The following NPAS1 variants were observed in gnomAD, a reference collection of about 807,000 sequenced individuals.
The protein encoded by NPAS1 is neuronal PAS domain protein 1, also known as neuronal PAS domain-containing protein 1.
A neutral mutation model predicts 49.2 loss-of-function variants in NPAS1; 29 were observed. The ratio of observed to expected loss-of-function variants is 0.59; its 90% CI spans 0.44 to 0.80. The LOEUF is 0.80. NPAS1 is among the 30% of genes least tolerant of loss of function. The pLI, the probability that NPAS1 is intolerant of heterozygous loss-of-function variation, is 0.00. For synonymous variants in NPAS1, 408 were observed against 380.4 expected (o/e 1.07, Z -0.84); for missense variants, 825 against 835.5 (o/e 0.99, Z 0.15).
In NPAS1 at chr19:47,036,065, A is replaced by G; in HGVS notation, c.624A>G (p.Pro208=). 6.3e-7 allele frequency: 1 copy of G among 1,599,030 alleles called. No homozygotes were observed. The highest frequency in any genetic ancestry group is 8.5e-7 in the Non-Finnish European group (1 of 1,173,022). Residue 208 remains proline (P), a synonymous_variant, in exon 6 of 12, where the codon CCA becomes CCG. Transcript: ENST00000602212. ...TGCGGACGCCGACGCCCGGCCCCCC[A>G]ACCCCGCCCTCCGTCTCCTCTTCCT... is the stretch of plus-strand genomic sequence containing the variant. ...LGLRTPTPGP[P]TPPSVSSSSS... is the part of the protein sequence containing the mutation.
chr19:47,041,616 GGGC>G (rs2057022266), intron 10 of NPAS1, among the ~76,000 whole-genome samples: 1 of 152,044 alleles, frequency 6.6e-6, no homozygotes, highest in Non-Finnish European at 1.5e-5. Flanking sequence ...TTTGGCTCAG[GGGC>G]ACTGGGGAGT....
chr19:47,036,699 C>T (rs2056959825), intron 6 of NPAS1, among the ~76,000 whole-genome samples: 1 of 133,734 alleles, frequency 7.5e-6, no homozygotes, highest in Admixed American at 7.3e-5. Flanking sequence ...TAGTGAAACC[C>T]CATCTCTACT....
chr19:47,034,321 A>G (rs866130790), intron 5 of NPAS1, among the ~76,000 whole-genome samples: 59 of 151,324 alleles, frequency 3.9e-4, no homozygotes, highest in African/African-American at 1.3e-3. Flanking sequence ...TCTCAAAAAA[A>G]AAAAAAAAAA....
intron 11 of NPAS1, among the ~76,000 whole-genome samples, chr19:47,043,553 G>A (rs143957067): frequency 0.019 from 2,877 of 152,158 alleles, 80 homozygotes; most frequent in African/African-American, 0.061. Flanking sequence ...TCATGCCACT[G>A]CACTCCAGTC....
chr19:47,020,389 T>A (rs1283828372), intron 1 of NPAS1, among the ~76,000 whole-genome samples: 6 of 149,670 alleles, frequency 4.0e-5, no homozygotes, highest in Admixed American at 3.3e-4. Flanking sequence ...GGGCTGGGGC[T>A]CGCGCGCCGG....
In NPAS1 at chr19:47,045,546, G is replaced by A. The variant is rs1163994581; in HGVS notation, c.1668G>A (p.Leu556=). 2.0e-6 allele frequency: 3 copies of A among 1,525,142 alleles called. No individual in the cohort carries two copies. The highest frequency in any genetic ancestry group is 2.1e-5 in the Admixed American group (1 of 48,674). The allele number at this position is 1,525,142 out of a possible 1,614,324, so 94.5% of individuals were successfully genotyped here. The change falls in exon 12 of 12, where the codon CTG becomes CTA. Residue 556 remains leucine (L), a synonymous_variant. Coordinates refer to ENST00000602212, the MANE Select transcript of NPAS1 (RefSeq NM_002517.4). Reference sequence around the variant, plus strand: ...AGCTGGGCCTGGTGTACCCGCACCTGCAGAGGCTGGGTCCGGGCCCCGCGC... The same window carrying A: ...AGCTGGGCCTGGTGTACCCGCACCTACAGAGGCTGGGTCCGGGCCCCGCGC... ...PAELGLVYPH[L]QRLGPGPALP...
In NPAS1 at chr19:47,039,391, T is replaced by C. The variant is rs1359167490; in HGVS notation, c.805-16T>C. 1.2e-6 allele frequency: 2 copies of C among 1,611,376 alleles called. No homozygotes were observed. Among genetic ancestry groups the C allele is most frequent in the Non-Finnish European group, 1.7e-6 (2 of 1,179,718 alleles). ...GCCCGCCTTGTCCCTCCTCCAACCA[T>C]GCCCACCACCAGCAGGTCATCCACG... On this transcript the variant is annotated splice_polypyrimidine_tract_variant and intron_variant, in intron 7 of 11. Coordinates refer to ENST00000602212, the MANE Select transcript of NPAS1 (RefSeq NM_002517.4).
chr19:47,039,989 AC>A (rs2057001610), intron 8 of NPAS1, among the ~76,000 whole-genome samples: 1 of 151,888 alleles, frequency 6.6e-6, no homozygotes, highest in South Asian at 2.1e-4. Context: ...CCACGCGAAT[AC>A]TCGCAGCTGC....
chr19:47,039,056 C>T lies in NPAS1; in HGVS notation c.709C>T (p.Pro237Ser), dbSNP rs771792785. The change falls in exon 7 of 12, where the codon CCC becomes TCC. Residue 237 changes from proline to serine, a missense_variant. Transcript: ENST00000602212. Reference sequence around the variant, plus strand: ...CCCAGAGGCCAGCCTCACCAAGGTGCCCCCCTCCTCCCTGGTCCAGGAGCG... The same window carrying T: ...CCCAGAGGCCAGCCTCACCAAGGTGTCCCCCTCCTCCCTGGTCCAGGAGCG... ...PEIEASLTKV[P>S]PSSLVQERSF... The T allele has an allele frequency of 4.3e-6, 7 of 1,614,030 alleles. No individual in the cohort carries two copies. The highest frequency in any genetic ancestry group is 4.5e-5 in the East Asian group (2 of 44,880).
At chr19:47,037,052 G>GA (rs150861252) in intron 6 of NPAS1, among the ~76,000 whole-genome samples, 53,156 of 120,418 alleles carry the variant, frequency 0.44, 12,038 homozygotes, top group East Asian at 0.53. Context: ...CCAGTGTCTG[G>GA]AAAAAAAAAA....
In NPAS1 at chr19:47,039,029, G is replaced by C. The variant is rs2122529871; in HGVS notation, c.689-7G>C. 1.9e-6 allele frequency: 3 copies of C among 1,613,438 alleles called. No individual in the cohort carries two copies. The East Asian group carries it at 6.7e-5, about 36-fold the overall frequency. ...ACCCCATAACCTTCCTTCACTCTCT[G>C]TCCCAGAGGCCAGCCTCACCAAGGT... On this transcript the variant is annotated splice_polypyrimidine_tract_variant and splice_region_variant and intron_variant, in intron 6 of 11. Transcript: ENST00000602212.
chr19:47,024,986 T>C (rs1398220364), intron 3 of NPAS1, among the ~76,000 whole-genome samples: 2 of 150,606 alleles, frequency 1.3e-5, no homozygotes, highest in Non-Finnish European at 3.0e-5. Flanking sequence ...ATTTTTTGTA[T>C]TTTTAGTAGA....
intron 5 of NPAS1, chr19:47,035,742 G>GA (rs2056947034): frequency 1.9e-6 from 1 of 524,724 alleles, no homozygotes; most frequent in Admixed American, 3.7e-5. Context: ...AGTGGGCGGG[G>GA]AAAAATCCTT....
intron 6 of NPAS1, among the ~76,000 whole-genome samples, chr19:47,038,502 C>T (rs1459715489): frequency 1.9e-5 from 2 of 102,920 alleles, no homozygotes; most frequent in Non-Finnish European, 4.3e-5. Flanking sequence ...GGTGACAGAG[C>T]GAGACTCCAG....
intron 10 of NPAS1, among the ~76,000 whole-genome samples, chr19:47,041,980 A>C (rs1241532857): frequency 1.5e-4 from 1 of 6,674 alleles, no homozygotes; most frequent in African/African-American, 4.9e-4. Context: ...ACCCTGTCTC[A>C]AAAAAAAAAA....
intron 3 of NPAS1, 128 bp from the exon 4 acceptor site, chr19:47,032,150 T>A: frequency 1.3e-6 from 1 of 773,492 alleles, no homozygotes. Flanking sequence ...CCCCCATGGG[T>A]GCCCAGATAC....
intron 1 of NPAS1, 109 bp from the exon 2 acceptor site, chr19:47,020,897 C>CG (rs1219275316): frequency 7.5e-6 from 1 of 133,548 alleles, no homozygotes; most frequent in Non-Finnish European, 1.2e-5. Context: ...CATCCAGGCC[C>CG]CCCCCCCCCC....
Position 47,045,117 on chromosome 19 carries a change from C to G in NPAS1, c.1313-74C>G, listed in dbSNP as rs148365559. On this transcript the variant is annotated intron_variant, in intron 11 of 11. Coordinates refer to ENST00000602212, the MANE Select transcript of NPAS1 (RefSeq NM_002517.4). ...AGAACTACAGGTCTGGCCCACTAAG[C>G]ACAGCTCCATTCCACAGATGGGAAG... The G allele has an allele frequency of 1.5e-5, 22 of 1,436,550 alleles. No individual in the cohort carries two copies. The East Asian group carries it at 5.2e-4, about 34-fold the overall frequency. 89.0% of individuals were successfully genotyped at this position (1,436,550 alleles called of 1,614,324 possible). A position where few individuals can be genotyped will look rare whatever the true frequency, so the allele number is the denominator to read the frequency against.
Position 47,038,825 on chromosome 19 carries a change from C to CA in NPAS1, c.689-200dup, listed in dbSNP as rs879466330. Among the ~76,000 whole-genome samples the CA allele has an allele frequency of 4.5e-3, 647 of 144,956 alleles. 3 individuals carry two copies. The highest frequency in any genetic ancestry group is 0.018 in the Middle Eastern group (5 of 276). On this transcript the variant is annotated intron_variant, in intron 6 of 11. Coordinates refer to ENST00000602212, the MANE Select transcript of NPAS1 (RefSeq NM_002517.4). ...TGGACAACAGAGTGATATTCAGTCT[C>CA]AAAAAAAAAAAGAAAGGATGCGGAT...
Sources: gnomAD v4.1 joint callset for allele counts (sites outside exome capture counted in the v4.1 genomes callset) on GRCh38, gnomAD v4.1.1 for gene constraint, MANE v1.5 for transcripts, NCBI Gene and HGNC (gene_info 2026-07-23, HGNC 2026-07-21) for gene names.